The following AFG3L2 variants were observed in gnomAD, a reference collection of about 807,000 sequenced individuals.
AFG3L2 encodes mitochondrial inner membrane m-AAA protease component AFG3L2.
AFG3L2 carries 54 observed loss-of-function variants against 94.5 expected under a neutral mutation model. The ratio of observed to expected loss-of-function variants is 0.57; its 90% CI spans 0.46 to 0.72. AFG3L2 has a LOEUF of 0.72. AFG3L2 is among the 30% of genes least tolerant of loss of function. AFG3L2 has a pLI of 0.00. For synonymous variants in AFG3L2, 377 were observed against 365.5 expected (o/e 1.03, Z -0.36); for missense variants, 754 against 994.9 (o/e 0.76, Z 3.26).
At chr18:12,362,736 G>A (rs1265757150) in intron 6 of AFG3L2, among the ~76,000 whole-genome samples, 2 of 152,166 alleles carry the variant, frequency 1.3e-5, no homozygotes, top group African/African-American at 4.8e-5. Flanking sequence ...GACATGGGCC[G>A]CTGGGCTATT....
At chr18:12,376,923 G>A in intron 1 of AFG3L2, 46 bp downstream of exon 1, 1 of 1,334,646 alleles carries the variant, frequency 7.5e-7, no homozygotes, top group South Asian at 1.6e-5. Flanking sequence ...GCCGGAAGTG[G>A]GCCCGAGGCA....
Position 12,370,875 on chromosome 18 carries a change from G to A in AFG3L2, c.266C>T (p.Pro89Leu). Reference protein sequence around the residue: ...NGKNGKKASEPKEVMGEKKES... With the variant: ...NGKNGKKASELKEVMGEKKES... Reference sequence around the variant, plus strand: ...TTTTTTCTCTCCCATAACTTCTTTAGGTTCACTAGCTTTTTTTCCATTTTT... The same window carrying A: ...TTTTTTCTCTCCCATAACTTCTTTAAGTTCACTAGCTTTTTTTCCATTTTT... The change falls in exon 3 of 17, where the codon CCT becomes CTT. Residue 89 changes from proline (P) to leucine (L), a missense_variant. Transcript: ENST00000269143. 1 of 1,589,360 alleles carries A rather than the reference G, an allele frequency of 6.3e-7. No homozygotes were observed. Among genetic ancestry groups the A allele is most frequent in the South Asian group, 1.1e-5 (1 of 89,910 alleles).
rs1430176783 is a variant in AFG3L2 at position 12,358,794 on chromosome 18, T to C, written c.902A>G (p.Asp301Gly). 1.9e-6 allele frequency: 3 copies of C among 1,614,150 alleles called. No homozygotes were observed. In the African/African-American group the frequency reaches 4.0e-5, roughly 22 times the overall value. ...ATCTTTGAACTTCACATCAATTTCATCCTTTAAGACCTTGGCAGTGGTTTC... is the reference window on the plus strand; with the variant it reads ...ATCTTTGAACTTCACATCAATTTCACCCTTTAAGACCTTGGCAGTGGTTTC... ...VGETTAKVLK[D>G]EIDVKFKDVA... The change falls in exon 8 of 17, where the codon GAT becomes GGT. Residue 301 changes from aspartate (D) to glycine (G), a missense_variant. Asp to Gly is a moderately conservative substitution (Grantham distance 94). Around this residue, in one of 4 missense-constraint regions of AFG3L2, gnomAD observed 130 missense variants for 175.1 expected, o/e 0.74. Coordinates refer to ENST00000269143, the MANE Select transcript of AFG3L2 (RefSeq NM_006796.3).
chr18:12,367,426 T>C, intron 3 of AFG3L2, 44 bp from the exon 4 acceptor site: 1 of 1,582,102 alleles, frequency 6.3e-7, no homozygotes, highest in Non-Finnish European at 8.7e-7. Context: ...GGCAAGGTTT[T>C]AGCTCTCTCA....
At chr18:12,365,871 CTTT>C (rs576247423) in intron 5 of AFG3L2, among the ~76,000 whole-genome samples, 2 of 113,834 alleles carry the variant, frequency 1.8e-5, no homozygotes, top group Non-Finnish European at 1.7e-5. Context: ...TGCATCAATT[CTTT>C]TTTTTTTTTT....
At chr18:12,358,610 G>A in intron 8 of AFG3L2, 60 bp downstream of exon 8, 1 of 1,552,932 alleles carries the variant, frequency 6.4e-7, no homozygotes, top group Non-Finnish European at 8.8e-7. Context: ...AAACTTCACA[G>A]AATTATAACT....
At chr18:12,345,895 TCAA>T (rs1908119186) in intron 13 of AFG3L2, among the ~76,000 whole-genome samples, 1 of 152,242 alleles carries the variant, frequency 6.6e-6, no homozygotes, top group African/African-American at 2.4e-5. Flanking sequence ...ATTCATTCAT[TCAA>T]CAATTCATTG....
chr18:12,362,672 C>T (rs752474933), intron 6 of AFG3L2, among the ~76,000 whole-genome samples: 2 of 145,008 alleles, frequency 1.4e-5, no homozygotes, highest in Non-Finnish European at 2.9e-5. Flanking sequence ...CCAAGGACAA[C>T]TGCTCAGCCG....
At chr18:12,338,814 G>A (rs1907837078) in intron 15 of AFG3L2, among the ~76,000 whole-genome samples, 1 of 152,096 alleles carries the variant, frequency 6.6e-6, no homozygotes, top group Non-Finnish European at 1.5e-5. Flanking sequence ...TTTCAAAACA[G>A]GCTAAAAGAA....
At chr18:12,349,102 A>C (rs1309755593) in intron 12 of AFG3L2, among the ~76,000 whole-genome samples, 2 of 152,230 alleles carry the variant, frequency 1.3e-5, no homozygotes, top group African/African-American at 4.8e-5. Context: ...GAAGGAGAGA[A>C]ATAGGGAATG....
chr18:12,347,844 C>T (rs115608564), intron 13 of AFG3L2, among the ~76,000 whole-genome samples: 3,052 of 152,266 alleles, frequency 0.02, 108 homozygotes, highest in African/African-American at 0.07. Context: ...CCACCGCACC[C>T]GGCTGTTACA....
intron 8 of AFG3L2, among the ~76,000 whole-genome samples, chr18:12,357,622 T>C (rs142116969): frequency 0.026 from 3,976 of 152,214 alleles, 77 homozygotes; most frequent in Non-Finnish European, 0.043. Flanking sequence ...TTTTTTGAGA[T>C]AGAGTTTCAC....
intron 2 of AFG3L2, 39 bp downstream of exon 2, chr18:12,371,553 T>C: frequency 6.4e-7 from 1 of 1,571,904 alleles, no homozygotes; most frequent in Non-Finnish European, 8.7e-7. Flanking sequence ...AGACCCAACC[T>C]AAGAATGTAG....
chr18:12,344,281 T>C (rs771790775), intron 13 of AFG3L2, 34 bp from the exon 14 acceptor site: 1 of 1,540,682 alleles, frequency 6.5e-7, no homozygotes, highest in East Asian at 2.2e-5. Flanking sequence ...CCCAAGCCAT[T>C]GTTACAGTGA....
Position 12,371,686 on chromosome 18 carries a change from G to A in AFG3L2, c.120C>T (p.Tyr40=), listed in dbSNP as rs1332997885. Residue 40 remains tyrosine (Y), a synonymous_variant, in exon 2 of 17, where the codon TAC becomes TAT. Coordinates refer to ENST00000269143, the MANE Select transcript of AFG3L2 (RefSeq NM_006796.3). ...CCCTTGCTTGAGTTGTAACAAATCG[G>A]TAAAGCTGCAACAAGACATAAAAAT... The part of the protein sequence containing the change: ...PGEQPCLRTL[Y]RFVTTQARAS... 6.2e-7 allele frequency: 1 copy of A among 1,613,484 alleles called. No homozygotes were observed. Among genetic ancestry groups the A allele is most frequent in the Non-Finnish European group, 8.5e-7 (1 of 1,179,650 alleles).
In AFG3L2 at chr18:12,359,700, C is replaced by T. The variant is rs570526671; in HGVS notation, c.752+227G>A. Among the ~76,000 whole-genome samples, 14 of 152,024 alleles carry T rather than the reference C, an allele frequency of 9.2e-5. No homozygotes were observed. In the South Asian group the frequency reaches 2.3e-3, roughly 25 times the overall value. ...AAGGTTGCAGTGAGTCAAGATCATA[C>T]GACTGCACTACAGCCTGGGCGACAG... On this transcript the variant is annotated intron_variant, in intron 7 of 16. Coordinates refer to ENST00000269143, the MANE Select transcript of AFG3L2 (RefSeq NM_006796.3).
Position 12,351,106 on chromosome 18 carries a change from A to C in AFG3L2, c.1531T>G (p.Ser511Ala). Reference protein sequence around the residue: ...EKDKLARKLASLTPGFSGADV... With the variant: ...EKDKLARKLAALTPGFSGADV... ...TCACCTGAAAACCCTGGAGTTAAAG[A>C]TGCCAGTTTTCTTGCCAATTTATCC... Residue 511 changes from serine to alanine, a missense_variant, in exon 12 of 17, where the codon TCT (serine) becomes GCT (alanine). Physicochemically the swap from Ser to Ala is moderately conservative, Grantham distance 99. Around this residue, in one of 4 missense-constraint regions of AFG3L2, gnomAD observed 279 missense variants for 378.6 expected, o/e 0.74. Transcript: ENST00000269143. 6.2e-7 allele frequency: 1 copy of C among 1,613,282 alleles called. No individual in the cohort carries two copies. The highest frequency in any genetic ancestry group is 8.5e-7 in the Non-Finnish European group (1 of 1,180,034).
chr18:12,364,204 T>A (rs754669988), intron 5 of AFG3L2, among the ~76,000 whole-genome samples: 2 of 152,220 alleles, frequency 1.3e-5, no homozygotes, highest in Non-Finnish European at 2.9e-5. Context: ...ACTTTCTTTT[T>A]CCCTCCAACA....
At position 12,337,178 on chromosome 18, in the gene AFG3L2, G is replaced by A. The variant is rs142491303; in HGVS notation, c.2175+163C>T. ...TTCTGCTCACCACATTGCAACCCCC[G>A]CTTGAAGACAGAGCAGACAACGAAA... On this transcript the variant is annotated intron_variant, in intron 16 of 16. Transcript: ENST00000269143. The A allele has an allele frequency of 1.5e-4, 106 of 698,100 alleles. 2 individuals are homozygous for A. Among genetic ancestry groups the A allele is most frequent in the Middle Eastern group, 7.7e-4 (2 of 2,612 alleles). The allele number at this position is 698,100 out of a possible 1,614,324, so 43.2% of individuals were successfully genotyped here. A position where few individuals can be genotyped will look rare whatever the true frequency, so the allele number is the denominator to read the frequency against.
Sources: gnomAD v4.1 joint callset for allele counts (sites outside exome capture counted in the v4.1 genomes callset) on GRCh38, gnomAD v4.1.1 for gene constraint, gnomAD v4.1.1 regional missense constraint, MANE v1.5 for transcripts, NCBI Gene and HGNC (gene_info 2026-07-23, HGNC 2026-07-21) for gene names.